The following TXNDC15 variants were observed in gnomAD, a reference collection of about 807,000 sequenced individuals.
TXNDC15 encodes the protein thioredoxin domain-containing protein 15.
TXNDC15 carries 24 observed loss-of-function variants against 35.0 expected under a neutral mutation model. The ratio of observed to expected loss-of-function variants is 0.68; its 90% CI spans 0.50 to 0.96. The LOEUF (loss-of-function observed/expected upper bound fraction) is 0.96. Among genes scored for constraint, TXNDC15 ranks in the 40% least tolerant of loss-of-function variants. The probability of loss-of-function intolerance (pLI) is 0.00; values close to 1 mark genes in which losing one functional copy is unlikely to be tolerated. For synonymous variants in TXNDC15, 169 were observed against 174.0 expected (o/e 0.97, Z 0.23); for missense variants, 385 against 453.3 (o/e 0.85, Z 1.37).
At chr5:134,881,172 T>TTTATTTATTTAG (rs1750135601) in intron 1 of TXNDC15, among the ~76,000 whole-genome samples, 3 of 11,252 alleles carry the variant, frequency 2.7e-4, no homozygotes, top group Admixed American at 2.3e-3. Context: ...ATAGGTTCTT[T>TTTATTTATTTAG]TTATTTATTT....
chr5:134,895,629 C>T (rs1402132022), intron 3 of TXNDC15, among the ~76,000 whole-genome samples: 1 of 152,210 alleles, frequency 6.6e-6, no homozygotes, highest in African/African-American at 2.4e-5. Flanking sequence ...TACACTATTA[C>T]TATTTTACTA....
chr5:134,901,543 T>C lies in TXNDC15; in HGVS notation c.*1858T>C, dbSNP rs904508777. The C allele has an allele frequency of 6.6e-6, 1 of 152,242 alleles. No individual in the cohort carries two copies. Among genetic ancestry groups the C allele is most frequent in the Non-Finnish European group, 1.5e-5 (1 of 68,030 alleles). The allele number at this position is 152,242 out of a possible 1,614,324, so 9.4% of individuals were successfully genotyped here. Reference sequence around the variant, plus strand: ...TGAGTCCACCTCTTATATTGAGTTATTACTGTGTGAGTGCCAAGTACTGTT... The same window carrying C: ...TGAGTCCACCTCTTATATTGAGTTACTACTGTGTGAGTGCCAAGTACTGTT... On this transcript the variant is annotated 3_prime_UTR_variant, in exon 5 of 5. Coordinates refer to ENST00000358387, the MANE Select transcript of TXNDC15 (RefSeq NM_024715.4).
rs974513667 is a variant in TXNDC15 at position 134,899,782 on chromosome 5, T to A, written c.*97T>A. 1 of 1,000,000 alleles carries A rather than the reference T, an allele frequency of 1.0e-6. No homozygotes were observed. 61.9% of individuals were successfully genotyped at this position (1,000,000 alleles called of 1,614,324 possible). On this transcript the variant is annotated 3_prime_UTR_variant, in exon 5 of 5. Transcript: ENST00000358387. The stretch of plus-strand genomic sequence containing the variant: ...CATTTTCTCCAGTGACGTGTTGACT[T>A]GAAACTTCAGGCAGATTAAAAGAAT...
chr5:134,894,296 C>CG (rs1561901322), intron 3 of TXNDC15, among the ~76,000 whole-genome samples: 1 of 151,666 alleles, frequency 6.6e-6, no homozygotes, highest in African/African-American at 2.4e-5. Context: ...CTCAAGCGAT[C>CG]GTCCTGACTT....
chr5:134,893,875 T>A lies in TXNDC15; in HGVS notation c.755+220T>A, dbSNP rs541712318. Among the ~76,000 whole-genome samples, 10 of 152,196 alleles carry A rather than the reference T, an allele frequency of 6.6e-5. No homozygotes were observed. The South Asian group carries it at 2.1e-3, about 32-fold the overall frequency. On this transcript the variant is annotated intron_variant, in intron 3 of 4. Coordinates refer to ENST00000358387, the MANE Select transcript of TXNDC15 (RefSeq NM_024715.4). ...CTTAAAGAAAGTGGGCTGTTCTCTG[T>A]GTGGTGGATTTAAAGGTGGCAGGTG...
intron 1 of TXNDC15, 67 bp from the exon 2 acceptor site, chr5:134,887,628 C>A: frequency 6.6e-7 from 1 of 1,511,400 alleles, no homozygotes. Flanking sequence ...TAGAGGGGAA[C>A]TGTAATTCTT....
In TXNDC15 at chr5:134,899,764, T is replaced by C; in HGVS notation, c.*79T>C. On this transcript the variant is annotated 3_prime_UTR_variant, in exon 5 of 5. Transcript: ENST00000358387. ...TAGTGCTACAGTTTCATACATTTTC[T>C]CCAGTGACGTGTTGACTTGAAACTT... is the stretch of plus-strand genomic sequence containing the variant. 1.7e-6 allele frequency: 2 copies of C among 1,201,634 alleles called. No individual in the cohort carries two copies. Among genetic ancestry groups the C allele is most frequent in the Non-Finnish European group, 2.3e-6 (2 of 868,084 alleles). The allele number at this position is 1,201,634 out of a possible 1,614,324, so 74.4% of individuals were successfully genotyped here.
chr5:134,878,841 A>G (rs536105689), intron 1 of TXNDC15, among the ~76,000 whole-genome samples: 1 of 152,292 alleles, frequency 6.6e-6, no homozygotes, highest in South Asian at 2.1e-4. Context: ...TCTACTAAAA[A>G]TAAAAAAAGT....
chr5:134,874,314 T>C, upstream of TXNDC15: 4 of 846,964 alleles, frequency 4.7e-6, no homozygotes, highest in South Asian at 7.4e-5. Context: ...CTGCCAGGTG[T>C]TAAGATGGCG....
chr5:134,880,374 G>A (rs1431850999), intron 1 of TXNDC15, among the ~76,000 whole-genome samples: 1 of 151,846 alleles, frequency 6.6e-6, no homozygotes, highest in Non-Finnish European at 1.5e-5. Context: ...ATGTGGGTTC[G>A]CTGGTAATGA....
At chr5:134,876,209 C>T (rs1049435752) in intron 1 of TXNDC15, among the ~76,000 whole-genome samples, 5 of 152,128 alleles carry the variant, frequency 3.3e-5, no homozygotes, top group East Asian at 1.9e-4. Flanking sequence ...GCCCCTCCAC[C>T]GTGCTCTGTG....
chr5:134,888,943 TG>T (rs1332227331), intron 2 of TXNDC15, among the ~76,000 whole-genome samples: 2 of 152,184 alleles, frequency 1.3e-5, no homozygotes, highest in African/African-American at 4.8e-5. Flanking sequence ...ACAATTTCTG[TG>T]GGGTGGTTCA....
chr5:134,899,765 C>T lies in TXNDC15; in HGVS notation c.*80C>T. 8.4e-7 allele frequency: 1 copy of T among 1,197,428 alleles called. No individual in the cohort carries two copies. Among genetic ancestry groups the T allele is most frequent in the Non-Finnish European group, 1.2e-6 (1 of 865,316 alleles). 74.2% of individuals were successfully genotyped at this position (1,197,428 alleles called of 1,614,324 possible). On this transcript the variant is annotated 3_prime_UTR_variant, in exon 5 of 5. Transcript: ENST00000358387. ...AGTGCTACAGTTTCATACATTTTCT[C>T]CAGTGACGTGTTGACTTGAAACTTC...
chr5:134,893,366 C>T, intron 2 of TXNDC15, 126 bp from the exon 3 acceptor site: 1 of 1,109,690 alleles, frequency 9.0e-7, no homozygotes, highest in Non-Finnish European at 1.3e-6. Flanking sequence ...TCCGAGGGTT[C>T]CTTCTCTCGC....
chr5:134,888,728 C>G (rs1174123769), intron 2 of TXNDC15, among the ~76,000 whole-genome samples: 2 of 152,222 alleles, frequency 1.3e-5, no homozygotes, highest in African/African-American at 4.8e-5. Context: ...GTAATCCACC[C>G]GTCTCGGCCT....
chr5:134,885,897 C>T (rs553675615), intron 1 of TXNDC15, among the ~76,000 whole-genome samples: 1 of 152,258 alleles, frequency 6.6e-6, no homozygotes, highest in South Asian at 2.1e-4. Flanking sequence ...CTTGTTACTC[C>T]ATCTTGGCCA....
At chr5:134,875,111 G>C (rs1368989106) in intron 1 of TXNDC15, 1 of 456,232 alleles carries the variant, frequency 2.2e-6, no homozygotes, top group Non-Finnish European at 4.4e-6. Flanking sequence ...CTGTCTTAAG[G>C]AGGCCAGTCT....
At chr5:134,880,582 G>A (rs950395865) in intron 1 of TXNDC15, among the ~76,000 whole-genome samples, 1 of 151,714 alleles carries the variant, frequency 6.6e-6, no homozygotes, top group African/African-American at 2.4e-5. Flanking sequence ...GATTACGGGC[G>A]CCCGCTACCA....
At chr5:134,881,161 G>C (rs1011009091) in intron 1 of TXNDC15, among the ~76,000 whole-genome samples, 1 of 124,600 alleles carries the variant, frequency 8.0e-6, no homozygotes, top group Non-Finnish European at 1.7e-5. Flanking sequence ...TTTCATTTTG[G>C]ATAGGTTCTT....
Sources: allele counts gnomAD v4.1 joint callset (sites outside exome capture counted in the v4.1 genomes callset), GRCh38; gene constraint gnomAD v4.1.1; transcripts MANE v1.5; gene names NCBI Gene and HGNC (gene_info 2026-07-23, HGNC 2026-07-21).